The following CDH13 variants were observed in gnomAD, a reference collection of about 807,000 sequenced individuals.
The protein encoded by CDH13 is cadherin-13.
Under a neutral mutation model 63.8 loss-of-function variants are expected in CDH13, and 24 were observed. That is an observed-to-expected ratio of 0.38 (90% CI 0.27 to 0.53). The LOEUF (loss-of-function observed/expected upper bound fraction) is 0.53, where lower values mean the gene tolerates loss of function less well. Among genes scored for constraint, CDH13 ranks in the 20% least tolerant of loss-of-function variants. The pLI is 0.85. For synonymous variants in CDH13, 503 were observed against 355.3 expected, an observed-to-expected ratio of 1.42 and a Z score of -4.67; for missense variants, 1,049 against 903.1, an observed-to-expected ratio of 1.16 and a Z score of -2.07.
At chr16:83,104,470 A>C (rs901610427) in intron 3 of CDH13, among the ~76,000 whole-genome samples, 1 of 152,198 alleles carries the variant, frequency 6.6e-6, no homozygotes, top group East Asian at 1.9e-4. Context: ...TTGGGACTTC[A>C]CTAAAGAGAG....
At chr16:83,406,985 C>G (rs191115834) in intron 6 of CDH13, among the ~76,000 whole-genome samples, 144 of 152,304 alleles carry the variant, frequency 9.5e-4, no homozygotes, top group African/African-American at 2.9e-3. Flanking sequence ...TAAAAAGTAA[C>G]TTAATGAAAC....
chr16:82,779,447 G>A (rs1241095871), intron 1 of CDH13, among the ~76,000 whole-genome samples: 1 of 152,176 alleles, frequency 6.6e-6, no homozygotes, highest in Non-Finnish European at 1.5e-5. Flanking sequence ...CCAATGTCCT[G>A]TAGAAAACAT....
chr16:83,034,442 G>C (rs1410788883), intron 3 of CDH13, among the ~76,000 whole-genome samples: 3 of 152,208 alleles, frequency 2.0e-5, no homozygotes, highest in Non-Finnish European at 2.9e-5. Flanking sequence ...TACCAGTGTG[G>C]AAATCCATTG....
chr16:82,932,612 C>T (rs1244678260), intron 2 of CDH13, among the ~76,000 whole-genome samples: 1 of 152,160 alleles, frequency 6.6e-6, no homozygotes, highest in Non-Finnish European at 1.5e-5. Flanking sequence ...ATAAACTTTA[C>T]TGAAAAAATG....
chr16:83,363,059 C>T (rs1419558755), intron 6 of CDH13, among the ~76,000 whole-genome samples: 1 of 152,214 alleles, frequency 6.6e-6, no homozygotes, highest in East Asian at 1.9e-4. Context: ...GGGCAAACAT[C>T]ACCAGGAGGA....
intron 4 of CDH13, among the ~76,000 whole-genome samples, chr16:83,154,691 C>T (rs919672029): frequency 6.6e-6 from 1 of 152,108 alleles, no homozygotes; most frequent in Non-Finnish European, 1.5e-5. Flanking sequence ...TCTCAGGTAC[C>T]ATGCCAGGAT....
At chr16:83,135,972 GA>G (rs1341362917) in intron 4 of CDH13, among the ~76,000 whole-genome samples, 1 of 152,102 alleles carries the variant, frequency 6.6e-6, no homozygotes, top group East Asian at 1.9e-4. Context: ...GCTAAGCTAT[GA>G]GGACGCAAAA....
intron 3 of CDH13, among the ~76,000 whole-genome samples, chr16:83,111,355 C>G (rs750773643): frequency 1.3e-5 from 2 of 152,080 alleles, no homozygotes; most frequent in Non-Finnish European, 2.9e-5. Flanking sequence ...AGTGATTACA[C>G]TTAAAGTAGA....
intron 3 of CDH13, among the ~76,000 whole-genome samples, chr16:83,056,641 A>T (rs1469382656): frequency 2.0e-5 from 3 of 152,184 alleles, no homozygotes; most frequent in Admixed American, 6.5e-5. Flanking sequence ...ATCTATATTG[A>T]GCCAGGATGG....
intron 2 of CDH13, among the ~76,000 whole-genome samples, chr16:83,017,648 T>C (rs1430820514): frequency 6.6e-6 from 1 of 152,170 alleles, no homozygotes; most frequent in Non-Finnish European, 1.5e-5. Flanking sequence ...GCTTCATAAA[T>C]GGTAGGTATT....
intron 6 of CDH13, among the ~76,000 whole-genome samples, chr16:83,413,612 C>G (rs988378283): frequency 2.2e-4 from 33 of 152,130 alleles, no homozygotes; most frequent in African/African-American, 7.7e-4. Context: ...GAAATAGTGT[C>G]CTAATCATGC....
At chr16:83,052,801 A>AAAAAAAAAAAAAAAAAAAAAAAG (rs1555571697) in intron 3 of CDH13, among the ~76,000 whole-genome samples, 1 of 122,670 alleles carries the variant, frequency 8.2e-6, no homozygotes, top group African/African-American at 3.3e-5. Context: ...AAAAAAAAAA[A>AAAAAAAAAAAAAAAAAAAAAAAG]AAAGAAAGAA....
At chr16:82,781,285 T>G (rs1056356099) in intron 1 of CDH13, among the ~76,000 whole-genome samples, 3 of 152,232 alleles carry the variant, frequency 2.0e-5, no homozygotes, top group African/African-American at 7.2e-5. Context: ...TTCTCTATAT[T>G]CGTCCAGCTT....
chr16:83,508,834 C>G (rs776607950), intron 7 of CDH13, among the ~76,000 whole-genome samples: 2 of 152,196 alleles, frequency 1.3e-5, no homozygotes, highest in Non-Finnish European at 2.9e-5. Context: ...TCTCTCTTGT[C>G]TTCTATATTT....
intron 2 of CDH13, among the ~76,000 whole-genome samples, chr16:82,915,560 C>A (rs777235006): frequency 5.9e-5 from 9 of 152,014 alleles, no homozygotes; most frequent in Non-Finnish European, 1.2e-4. Context: ...GTTGAAAAAT[C>A]TTAGATTGTC....
intron 8 of CDH13, among the ~76,000 whole-genome samples, chr16:83,652,498 C>A (rs984637366): frequency 1.3e-5 from 2 of 152,038 alleles, no homozygotes; most frequent in Non-Finnish European, 2.9e-5. Flanking sequence ...TCAGCAACAC[C>A]CCATGGAAAT....
chr16:83,652,284 A>T (rs1217474455), intron 8 of CDH13, among the ~76,000 whole-genome samples: 1 of 152,222 alleles, frequency 6.6e-6, no homozygotes, highest in Non-Finnish European at 1.5e-5. Flanking sequence ...ATTTATACAA[A>T]TCCCTTGTAA....
chr16:83,362,346 T>C (rs2091178168), intron 6 of CDH13, among the ~76,000 whole-genome samples: 1 of 152,218 alleles, frequency 6.6e-6, no homozygotes, highest in East Asian at 1.9e-4. Context: ...AAGACAGCTT[T>C]TGAAAACTCC....
intron 6 of CDH13, among the ~76,000 whole-genome samples, chr16:83,427,930 C>T (rs891484823): frequency 1.3e-5 from 2 of 152,246 alleles, no homozygotes; most frequent in African/African-American, 4.8e-5. Flanking sequence ...ACAGCTTTGG[C>T]TGCTCCATGT....
Sources: gnomAD v4.1 joint callset for allele counts (sites outside exome capture counted in the v4.1 genomes callset) on GRCh38, gnomAD v4.1.1 for gene constraint, MANE v1.5 for transcripts, NCBI Gene and HGNC (gene_info 2026-07-23, HGNC 2026-07-21) for gene names.